Variants in MACROH2A1 observed in about 807,000 individuals in gnomAD.
MACROH2A1 encodes the protein macroH2A.1 histone.
Under a neutral mutation model 31.6 loss-of-function variants are expected in MACROH2A1, and 2 were observed. The ratio of observed to expected loss-of-function variants is 0.06; its 90% CI spans 0.03 to 0.20. The LOEUF is 0.20. Ranked by LOEUF, MACROH2A1 falls within the 10% of genes least tolerant of loss-of-function variation. The pLI, the probability that MACROH2A1 is intolerant of heterozygous loss-of-function variation, is 1.00. For missense variants in MACROH2A1, 230 were observed against 474.0 expected, an observed-to-expected ratio of 0.49 and a Z score of 4.78; for synonymous variants, 169 against 189.6, an observed-to-expected ratio of 0.89 and a Z score of 0.89.
At chr5:135,362,712 T>C (rs992623775) in intron 4 of MACROH2A1, 1 of 152,240 alleles carries the variant, frequency 6.6e-6, no homozygotes, top group Non-Finnish European at 1.5e-5. Flanking sequence ...TTTGTCAGTT[T>C]GATCAATTGT....
chr5:135,367,010 GA>G (rs1763589702), intron 4 of MACROH2A1, among the ~76,000 whole-genome samples: 1 of 152,178 alleles, frequency 6.6e-6, no homozygotes, highest in Non-Finnish European at 1.5e-5. Flanking sequence ...CACAATTGGA[GA>G]TTTTCAAAAC....
At chr5:135,350,678 C>T in intron 6 of MACROH2A1, 1 of 555,474 alleles carries the variant, frequency 1.8e-6, no homozygotes, top group Non-Finnish European at 3.2e-6. Context: ...TACTCAGGTT[C>T]ACAACCCAGG....
chr5:135,383,904 T>A (rs1000409158), intron 2 of MACROH2A1, among the ~76,000 whole-genome samples: 1 of 152,172 alleles, frequency 6.6e-6, no homozygotes, highest in Non-Finnish European at 1.5e-5. Flanking sequence ...GGTGCACTCA[T>A]GCAAACAAGC....
Position 135,389,076 on chromosome 5 carries a change from C to T in MACROH2A1, c.18G>A (p.Gly6=), listed in dbSNP as rs1166685845. ...TGGACGTCTTGGTGGACTTCTTCTT[C>T]CCACCGCGGCTCGACATGGCGGTGG... is the stretch of plus-strand genomic sequence containing the variant. MSSRG[G]KKKSTKTSRS... The change falls in exon 2 of 9, where the codon GGG becomes GGA. Residue 6 remains glycine, a synonymous_variant. Coordinates refer to ENST00000511689, the MANE Select transcript of MACROH2A1 (RefSeq NM_138610.3). The T allele has an allele frequency of 1.2e-6, 2 of 1,613,466 alleles. No individual in the cohort carries two copies. Among genetic ancestry groups the T allele is most frequent in the Admixed American group, 1.7e-5 (1 of 60,026 alleles).
chr5:135,392,315 C>T (rs1434293511), intron 1 of MACROH2A1, among the ~76,000 whole-genome samples: 2 of 152,226 alleles, frequency 1.3e-5, no homozygotes, highest in African/African-American at 4.8e-5. Context: ...TGAAATATCA[C>T]AGCTCCTCCA....
intron 6 of MACROH2A1, chr5:135,347,371 GCAGATGAA>G (rs1390360946): frequency 6.6e-6 from 1 of 152,254 alleles, no homozygotes; most frequent in Non-Finnish European, 1.5e-5. Flanking sequence ...CCTGGGGTGT[GCAGATGAA>G]CATGACCAGC....
At chr5:135,343,826 C>T (rs1410377147) in intron 7 of MACROH2A1, 1 of 256,136 alleles carries the variant, frequency 3.9e-6, no homozygotes, top group Non-Finnish European at 7.6e-6. Flanking sequence ...TTCTTCAAGT[C>T]GACTGGTGTG....
intron 5 of MACROH2A1, chr5:135,355,161 G>C (rs554999623): frequency 2.2e-6 from 1 of 456,034 alleles, no homozygotes; most frequent in South Asian, 1.5e-5. Context: ...GACTCTCTTC[G>C]CGGGAGAACC....
chr5:135,338,072 T>C, intron 8 of MACROH2A1: 1 of 986,384 alleles, frequency 1.0e-6, no homozygotes, highest in Non-Finnish European at 1.3e-6. Context: ...CCAGTTAGAA[T>C]GCTTGTAGCA....
intron 2 of MACROH2A1, among the ~76,000 whole-genome samples, chr5:135,372,888 T>C (rs1447678984): frequency 6.6e-6 from 1 of 152,206 alleles, no homozygotes; most frequent in African/African-American, 2.4e-5. Context: ...CTTCCCCTTT[T>C]GGAGGCCACA....
chr5:135,384,397 G>A (rs1235874645), intron 2 of MACROH2A1, among the ~76,000 whole-genome samples: 5 of 152,210 alleles, frequency 3.3e-5, no homozygotes, highest in Admixed American at 2.6e-4. Flanking sequence ...TCTAACAACC[G>A]TCCCTTTTCC....
At chr5:135,399,456 C>T (rs1768557495), upstream of MACROH2A1, 1 of 152,354 alleles carries the variant, frequency 6.6e-6, no homozygotes, top group African/African-American at 2.4e-5. This position sits in a 1 kb window ranked among gnomAD's most constrained non-coding sequence, Gnocchi z 4.5. Flanking sequence ...GAGCCCAGTC[C>T]TTGGGAAGGG....
chr5:135,366,081 G>T (rs1763464309), intron 4 of MACROH2A1, among the ~76,000 whole-genome samples: 1 of 152,166 alleles, frequency 6.6e-6, no homozygotes, highest in African/African-American at 2.4e-5. Flanking sequence ...CATTTCCACT[G>T]CTTGCTCCTG....
At chr5:135,377,013 C>A (rs1239112275) in intron 2 of MACROH2A1, among the ~76,000 whole-genome samples, 1 of 152,216 alleles carries the variant, frequency 6.6e-6, no homozygotes, top group African/African-American at 2.4e-5. Flanking sequence ...TAACAGTTAA[C>A]ATATGTTTGA....
chr5:135,383,760 A>G (rs1766013651), intron 2 of MACROH2A1, among the ~76,000 whole-genome samples: 1 of 148,380 alleles, frequency 6.7e-6, no homozygotes, highest in African/African-American at 2.5e-5. Flanking sequence ...AATTTTAGGA[A>G]AACAGGGTGA....
rs1197428062 is a variant in MACROH2A1 at position 135,398,665 on chromosome 5, G to C, written c.-34+397C>G. Among the ~76,000 whole-genome samples the C allele has an allele frequency of 6.6e-6, 1 of 152,130 alleles. No individual in the cohort carries two copies. Among genetic ancestry groups the C allele is most frequent in the East Asian group, 1.9e-4 (1 of 5,162 alleles). On this transcript the variant is annotated intron_variant, in intron 1 of 8. Coordinates refer to ENST00000511689, the MANE Select transcript of MACROH2A1 (RefSeq NM_138610.3). The surrounding 1 kb of genome is among the most constrained non-coding windows in gnomAD (Gnocchi z 4.6). ...ACTCTGCTCACAGCAGCTCCCGGGT[G>C]CCCAGGCCCAGACTGCCTAGCCAGC...
chr5:135,340,174 G>A (rs983240551), intron 8 of MACROH2A1, among the ~76,000 whole-genome samples: 27 of 152,060 alleles, frequency 1.8e-4, no homozygotes, highest in Non-Finnish European at 2.9e-5. Flanking sequence ...TGAAGCGAAG[G>A]GCTTCTGATC....
chr5:135,379,119 G>A lies in MACROH2A1; in HGVS notation c.173-8977C>T, dbSNP rs139750252. Among the ~76,000 whole-genome samples the A allele has an allele frequency of 1.8e-4, 27 of 152,324 alleles. No homozygotes were observed. In the East Asian group the frequency reaches 4.4e-3, roughly 25 times the overall value. On this transcript the variant is annotated intron_variant, in intron 2 of 8. Coordinates refer to ENST00000511689, the MANE Select transcript of MACROH2A1 (RefSeq NM_138610.3). ...GATGGCAAGGGAAACCAACACATTA[G>A]CCATTTCCAGAGGCCTTGGGTTTGT...
At chr5:135,340,641 C>T (rs1468362419) in intron 8 of MACROH2A1, among the ~76,000 whole-genome samples, 1 of 152,208 alleles carries the variant, frequency 6.6e-6, no homozygotes. Flanking sequence ...GCCACTGGGC[C>T]TCAGCTAAGA....
Sources: gnomAD v4.1 joint callset for allele counts (sites outside exome capture counted in the v4.1 genomes callset) on GRCh38, gnomAD v4.1.1 for gene constraint, Gnocchi (gnomAD v3.1) non-coding constraint, MANE v1.5 for transcripts, NCBI Gene and HGNC (gene_info 2026-07-23, HGNC 2026-07-21) for gene names.